PTCHD4: variants seen among roughly 807,000 people sequenced by gnomAD.
PTCHD4 encodes patched domain-containing protein 4.
PTCHD4 carries 33 observed loss-of-function variants against 58.1 expected under a neutral mutation model. The observed-to-expected ratio is 0.57, with a 90% CI of 0.43 to 0.76. The LOEUF (loss-of-function observed/expected upper bound fraction) is 0.76. PTCHD4 is among the 30% of genes least tolerant of loss of function. The probability of loss-of-function intolerance (pLI) is 0.00; values close to 1 mark genes in which losing one functional copy is unlikely to be tolerated. For synonymous variants in PTCHD4, 478 were observed against 409.6 expected (o/e 1.17, Z -2.02); for missense variants, 1,058 against 1,027.1 (o/e 1.03, Z -0.41).
At chr6:48,048,431 ACATATAACAGG>A (rs1186974284) in intron 3 of PTCHD4, among the ~76,000 whole-genome samples, 1 of 152,064 alleles carries the variant, frequency 6.6e-6, no homozygotes, top group African/African-American at 2.4e-5. Flanking sequence ...TGCATGAGAG[ACATATAACAGG>A]CTGATTTTGT....
At position 47,924,575 on chromosome 6, in the gene PTCHD4, C is replaced by T. The variant is rs149995605; in HGVS notation, c.899-44639G>A. Among the ~76,000 whole-genome samples, 89 of 152,122 alleles carry T rather than the reference C, an allele frequency of 5.9e-4. 2 individuals carry two copies. The highest frequency in any genetic ancestry group is 5.2e-3 in the Admixed American group (79 of 15,262). ...AGGAACATAATGTCTCCCTTATAGACGTGTAAGGATTACAGACATGAGGTA... is the reference window on the plus strand; with the variant it reads ...AGGAACATAATGTCTCCCTTATAGATGTGTAAGGATTACAGACATGAGGTA... On this transcript the variant is annotated intron_variant, in intron 4 of 4. Transcript: ENST00000339488.
intron 4 of PTCHD4, among the ~76,000 whole-genome samples, chr6:47,919,709 G>T (rs181992458): frequency 2.2e-3 from 333 of 152,206 alleles, no homozygotes; most frequent in African/African-American, 7.9e-3. Context: ...CCATTAAAAG[G>T]CTTTAAACAG....
chr6:48,098,318 T>TTTCTTCTTCTTCTTCTTCTTCTTC (rs374977976), intron 1 of PTCHD4, among the ~76,000 whole-genome samples: 2 of 142,606 alleles, frequency 1.4e-5, no homozygotes, highest in African/African-American at 5.2e-5. Flanking sequence ...TTTCTTTTCT[T>TTTCTTCTTCTTCTTCTTCTTCTTC]TTCTTCTTCT....
At position 47,873,945 on chromosome 6, in the gene PTCHD4, C is replaced by G. The variant is rs1048288298; in HGVS notation, c.*4358G>C. On this transcript the variant is annotated 3_prime_UTR_variant, in exon 5 of 5. Transcript: ENST00000339488. Reference sequence around the variant, plus strand: ...TCAGATTCACTTTTGCAAAGATTGCCAATATCCTTCGCAGACACCAACAAA... The same window carrying G: ...TCAGATTCACTTTTGCAAAGATTGCGAATATCCTTCGCAGACACCAACAAA... Among the ~76,000 whole-genome samples the G allele has an allele frequency of 6.6e-6, 1 of 151,614 alleles. No homozygotes were observed. Among genetic ancestry groups the G allele is most frequent in the African/African-American group, 2.4e-5 (1 of 41,322 alleles).
intron 3 of PTCHD4, among the ~76,000 whole-genome samples, chr6:48,048,369 G>A (rs577077079): frequency 1.3e-5 from 2 of 151,948 alleles, no homozygotes; most frequent in Admixed American, 1.3e-4. Context: ...TAATCTCTGG[G>A]GAAAATATTT....
At chr6:48,073,374 G>A (rs1471965017) in intron 1 of PTCHD4, among the ~76,000 whole-genome samples, 1 of 152,292 alleles carries the variant, frequency 6.6e-6, no homozygotes, top group Admixed American at 6.5e-5. Flanking sequence ...CTTCCTAGAT[G>A]TTTTAAATAA....
At chr6:47,900,550 C>G (rs1458607354) in intron 4 of PTCHD4, 1 of 152,054 alleles carries the variant, frequency 6.6e-6, no homozygotes, top group African/African-American at 2.4e-5. Context: ...AAAATATTTT[C>G]TCCCATTCTG....
At chr6:47,953,794 T>C (rs969314407) in intron 4 of PTCHD4, among the ~76,000 whole-genome samples, 1 of 152,168 alleles carries the variant, frequency 6.6e-6, no homozygotes, top group African/African-American at 2.4e-5. Context: ...CACTATCTGT[T>C]CTAAGATGGA....
chr6:47,890,611 C>T (rs971830365), intron 4 of PTCHD4, among the ~76,000 whole-genome samples: 22 of 152,254 alleles, frequency 1.4e-4, no homozygotes, highest in South Asian at 8.3e-4. Context: ...AACTGCAGGA[C>T]GACTGTCATG....
At chr6:48,107,901 A>T (rs955384403) in intron 1 of PTCHD4, among the ~76,000 whole-genome samples, 5 of 152,222 alleles carry the variant, frequency 3.3e-5, no homozygotes, top group African/African-American at 1.2e-4. Flanking sequence ...CCACAATGCG[A>T]TACCATCTCA....
At chr6:48,105,946 A>T (rs1765710039) in intron 1 of PTCHD4, among the ~76,000 whole-genome samples, 1 of 152,196 alleles carries the variant, frequency 6.6e-6, no homozygotes, top group Admixed American at 6.5e-5. Context: ...TCTGAAATTG[A>T]GGCAATAATT....
intron 3 of PTCHD4, among the ~76,000 whole-genome samples, chr6:48,009,765 A>AG (rs1421839574): frequency 2.6e-5 from 4 of 152,362 alleles, no homozygotes; most frequent in African/African-American, 9.6e-5. Context: ...TGCTCTCTCC[A>AG]AACACCTGCC....
At chr6:47,940,235 C>T (rs1766160497) in intron 4 of PTCHD4, among the ~76,000 whole-genome samples, 1 of 151,830 alleles carries the variant, frequency 6.6e-6, no homozygotes, top group Non-Finnish European at 1.5e-5. Flanking sequence ...TATAATTTCA[C>T]TGGGTAATGT....
At chr6:47,898,620 G>A (rs1194579564) in intron 4 of PTCHD4, among the ~76,000 whole-genome samples, 2 of 152,078 alleles carry the variant, frequency 1.3e-5, no homozygotes, top group African/African-American at 4.8e-5. Flanking sequence ...TAAACACAAA[G>A]ACCTGAGCTA....
chr6:48,039,551 G>C (rs1393793330), intron 3 of PTCHD4, among the ~76,000 whole-genome samples: 8 of 152,038 alleles, frequency 5.3e-5, no homozygotes. Flanking sequence ...GTGTTTGCTT[G>C]ATAATTATCC....
intron 4 of PTCHD4, chr6:47,899,995 A>T (rs1297774435): frequency 6.6e-6 from 1 of 152,186 alleles, no homozygotes; most frequent in Non-Finnish European, 1.5e-5. Flanking sequence ...ATAATATTCC[A>T]TTGTATGCAT....
chr6:48,048,650 T>A (rs332558), intron 3 of PTCHD4, among the ~76,000 whole-genome samples: 86,195 of 151,674 alleles, frequency 0.57, 24,654 homozygotes, highest in East Asian at 0.7. Flanking sequence ...GGATTTAGCA[T>A]CTCAGCTCGC....
intron 3 of PTCHD4, among the ~76,000 whole-genome samples, chr6:48,037,009 C>G (rs558076547): frequency 2.6e-5 from 4 of 152,144 alleles, no homozygotes; most frequent in Middle Eastern, 3.4e-3. Context: ...TGAGTGACAC[C>G]AAGCCATTTA....
chr6:47,977,976 A>C (rs1209778913), intron 4 of PTCHD4, among the ~76,000 whole-genome samples: 1 of 152,160 alleles, frequency 6.6e-6, no homozygotes, highest in Non-Finnish European at 1.5e-5. Flanking sequence ...CTCCAGGAAG[A>C]CTCAATCCTG....
Sources: gnomAD v4.1 joint callset for allele counts (sites outside exome capture counted in the v4.1 genomes callset) on GRCh38, gnomAD v4.1.1 for gene constraint, MANE v1.5 for transcripts, NCBI Gene and HGNC (gene_info 2026-07-23, HGNC 2026-07-21) for gene names.